CPNE8: variants seen among roughly 807,000 people sequenced by gnomAD.
CPNE8 encodes the protein copine 8, also known as copine-8.
CPNE8 carries 45 observed loss-of-function variants against 81.5 expected under a neutral mutation model. The observed-to-expected ratio is 0.55, with a 90% CI of 0.44 to 0.71. The LOEUF is 0.71. CPNE8 is among the 30% of genes least tolerant of loss of function. The pLI, the probability that CPNE8 is intolerant of heterozygous loss-of-function variation, is 0.00. For synonymous variants in CPNE8, 252 were observed against 226.3 expected (o/e 1.11, Z -1.02); for missense variants, 594 against 672.1 (o/e 0.88, Z 1.28).
intron 16 of CPNE8, among the ~76,000 whole-genome samples, chr12:38,682,142 C>A (rs1939423547): frequency 6.6e-6 from 1 of 152,108 alleles, no homozygotes; most frequent in Non-Finnish European, 1.5e-5. Context: ...ATTGCTTGAA[C>A]CTGGGAGGTG....
chr12:38,680,954 C>A (rs911167807), intron 16 of CPNE8, among the ~76,000 whole-genome samples: 1 of 151,730 alleles, frequency 6.6e-6, no homozygotes. Context: ...AAGATAGAAA[C>A]TGATAGATCC....
intron 6 of CPNE8, among the ~76,000 whole-genome samples, chr12:38,801,031 T>C (rs1250072516): frequency 1.3e-5 from 2 of 150,080 alleles, no homozygotes; most frequent in Admixed American, 6.7e-5. Flanking sequence ...CTACGTCTGA[T>C]TGGTGTACCT....
At chr12:38,727,452 A>T (rs1297906764) in intron 11 of CPNE8, among the ~76,000 whole-genome samples, 2 of 152,198 alleles carry the variant, frequency 1.3e-5, no homozygotes, top group African/African-American at 4.8e-5. Flanking sequence ...GTACACCATT[A>T]GTATTTACAA....
intron 1 of CPNE8, among the ~76,000 whole-genome samples, chr12:38,886,923 C>CA (rs766286422): frequency 6.6e-6 from 1 of 151,872 alleles, no homozygotes; most frequent in South Asian, 2.1e-4. Flanking sequence ...GCCCACAGAG[C>CA]AAAAAAGTTG....
chr12:38,803,388 CA>C (rs1261609631), intron 6 of CPNE8, among the ~76,000 whole-genome samples: 1 of 148,108 alleles, frequency 6.8e-6, no homozygotes, highest in African/African-American at 2.5e-5. Context: ...AGCATATAAA[CA>C]CAACCAAAGA....
intron 5 of CPNE8, among the ~76,000 whole-genome samples, chr12:38,830,880 A>G (rs970948102): frequency 1.3e-5 from 2 of 152,168 alleles, no homozygotes; most frequent in African/African-American, 4.8e-5. Context: ...TACTCACCTA[A>G]TCACTATGCC....
At position 38,801,824 on chromosome 12, in the gene CPNE8, C is replaced by A. The variant is rs1374608019; in HGVS notation, c.408-25523G>T. Reference sequence around the variant, plus strand: ...AAGGATGGAGGAAGATCTACCAAGCCAATGGAAAACAAAAAAAGGCAGGGG... The same window carrying A: ...AAGGATGGAGGAAGATCTACCAAGCAAATGGAAAACAAAAAAAGGCAGGGG... On this transcript the variant is annotated intron_variant, in intron 6 of 19. Transcript: ENST00000331366. Among the ~76,000 whole-genome samples, 11 of 102,902 alleles carry A rather than the reference C, an allele frequency of 1.1e-4. No individual in the cohort carries two copies. In the East Asian group the frequency reaches 2.4e-3, roughly 22 times the overall value. The allele number at this position is 102,902 out of a possible 152,430, so 67.5% of individuals were successfully genotyped here.
chr12:38,714,913 C>T (rs1038442950), intron 13 of CPNE8, among the ~76,000 whole-genome samples: 10 of 151,898 alleles, frequency 6.6e-5, no homozygotes, highest in Admixed American at 3.9e-4. Context: ...TTGAATACTA[C>T]GAACCAGGCC....
intron 13 of CPNE8, among the ~76,000 whole-genome samples, chr12:38,713,920 A>T (rs1252207272): frequency 6.6e-6 from 1 of 152,170 alleles, no homozygotes; most frequent in East Asian, 1.9e-4. Context: ...TCATGTTGAC[A>T]TGAAATTCTA....
intron 13 of CPNE8, among the ~76,000 whole-genome samples, chr12:38,709,144 TC>T (rs1341208953): frequency 2.6e-5 from 4 of 152,308 alleles, no homozygotes; most frequent in Middle Eastern, 3.4e-3. Context: ...CAATATGTAT[TC>T]TAGTTCACAC....
At chr12:38,759,227 C>T (rs1238684606) in intron 10 of CPNE8, among the ~76,000 whole-genome samples, 1 of 152,162 alleles carries the variant, frequency 6.6e-6, no homozygotes, top group Non-Finnish European at 1.5e-5. Flanking sequence ...GTGAGCTGCA[C>T]TTTTTGTTTC....
intron 16 of CPNE8, among the ~76,000 whole-genome samples, 189 bp downstream of exon 16, chr12:38,685,301 T>C (rs915430891): frequency 3.9e-5 from 6 of 152,226 alleles, no homozygotes; most frequent in Admixed American, 3.3e-4. Flanking sequence ...GATATTTTAA[T>C]GTACAGTTCT....
At chr12:38,661,791 A>G (rs771538803) in intron 19 of CPNE8, among the ~76,000 whole-genome samples, 7 of 152,140 alleles carry the variant, frequency 4.6e-5, no homozygotes, top group Non-Finnish European at 7.3e-5. Flanking sequence ...ACAGCACATC[A>G]AAAAGATTAT....
At position 38,874,421 on chromosome 12, in the gene CPNE8, A is replaced by T. The variant is rs182264933; in HGVS notation, c.139+50T>A. The T allele has an allele frequency of 1.5e-4, 208 of 1,384,674 alleles. 1 individual carries two copies. In the East Asian group the frequency reaches 3.5e-3, roughly 23 times the overall value. 85.8% of individuals were successfully genotyped at this position (1,384,674 alleles called of 1,614,324 possible). On this transcript the variant is annotated intron_variant, in intron 2 of 19. Coordinates refer to ENST00000331366, the MANE Select transcript of CPNE8 (RefSeq NM_153634.3). ...AAACAAGAACTATGAGTTTCCTACAACTTTTGCAAAATCAAATGATTTTTC... is the reference window on the plus strand; with the variant it reads ...AAACAAGAACTATGAGTTTCCTACATCTTTTGCAAAATCAAATGATTTTTC...
intron 5 of CPNE8, among the ~76,000 whole-genome samples, chr12:38,836,250 T>G (rs990830078): frequency 6.6e-6 from 1 of 152,086 alleles, no homozygotes; most frequent in African/African-American, 2.4e-5. Context: ...ACAGAATAAA[T>G]CTTCTAAAAA....
intron 15 of CPNE8, among the ~76,000 whole-genome samples, chr12:38,692,191 A>T (rs1203912376): frequency 2.0e-5 from 3 of 152,084 alleles, no homozygotes; most frequent in African/African-American, 7.2e-5. Context: ...TGGGAAGCTG[A>T]GGCACGAGAA....
chr12:38,876,972 T>G (rs1944076906), intron 1 of CPNE8, among the ~76,000 whole-genome samples: 1 of 152,150 alleles, frequency 6.6e-6, no homozygotes, highest in Non-Finnish European at 1.5e-5. Context: ...ATAAGATAGG[T>G]ATTATTGTGA....
intron 1 of CPNE8, among the ~76,000 whole-genome samples, chr12:38,875,097 G>A (rs1834991738): frequency 6.6e-6 from 1 of 152,000 alleles, no homozygotes; most frequent in Non-Finnish European, 1.5e-5. Context: ...AAGTACACAA[G>A]GCCATTATTA....
At chr12:38,657,243 T>C (rs1328656644) in intron 19 of CPNE8, among the ~76,000 whole-genome samples, 1 of 152,132 alleles carries the variant, frequency 6.6e-6, no homozygotes, top group African/African-American at 2.4e-5. Flanking sequence ...CCTGGTTTGG[T>C]GGGTCCCATT....
Sources: gnomAD v4.1 joint callset for allele counts (sites outside exome capture counted in the v4.1 genomes callset) on GRCh38, gnomAD v4.1.1 for gene constraint, MANE v1.5 for transcripts, NCBI Gene and HGNC (gene_info 2026-07-23, HGNC 2026-07-21) for gene names.